FHIT: variants seen among roughly 807,000 people sequenced by gnomAD.
FHIT encodes fragile histidine triad diadenosine triphosphatase.
Under a neutral mutation model 17.9 loss-of-function variants are expected in FHIT, and 19 were observed. The ratio of observed to expected loss-of-function variants is 1.06; its 90% CI spans 0.74 to 1.56. The LOEUF (loss-of-function observed/expected upper bound fraction) is 1.56, where lower values mean the gene tolerates loss of function less well. Among genes scored for constraint, FHIT ranks in the 40% most tolerant of loss-of-function variants. FHIT has a pLI of 0.00. For synonymous variants in FHIT, 81 were observed against 69.7 expected (o/e 1.16, Z -0.81); for missense variants, 248 against 189.2 (o/e 1.31, Z -1.82).
At chr3:60,468,482 A>C (rs1161868270) in intron 5 of FHIT, among the ~76,000 whole-genome samples, 1 of 151,758 alleles carries the variant, frequency 6.6e-6, no homozygotes, top group Non-Finnish European at 1.5e-5. Context: ...TTTTGCTTTG[A>C]GTGTACTGTG....
intron 4 of FHIT, among the ~76,000 whole-genome samples, chr3:60,712,971 T>C (rs2041579779): frequency 6.6e-6 from 1 of 150,610 alleles, no homozygotes; most frequent in Non-Finnish European, 1.5e-5. Context: ...CAACAGAATA[T>C]ACATTCTTTT....
chr3:61,182,699 G>T (rs2038378807), intron 2 of FHIT, among the ~76,000 whole-genome samples: 1 of 152,130 alleles, frequency 6.6e-6, no homozygotes, highest in Non-Finnish European at 1.5e-5. Flanking sequence ...ACCACCAAAA[G>T]AGGTAGGCAG....
chr3:60,750,020 G>C (rs2042434835), intron 4 of FHIT, among the ~76,000 whole-genome samples: 1 of 152,176 alleles, frequency 6.6e-6, no homozygotes, highest in African/African-American at 2.4e-5. Context: ...AACCAAGGCT[G>C]AGAGTAATGT....
intron 5 of FHIT, among the ~76,000 whole-genome samples, chr3:60,093,233 A>G (rs2107105059): frequency 6.6e-6 from 1 of 152,256 alleles, no homozygotes; most frequent in South Asian, 2.1e-4. Context: ...CGCAGAGGTG[A>G]CTTCCTTTCC....
intron 4 of FHIT, among the ~76,000 whole-genome samples, chr3:60,613,376 G>A (rs1463188506): frequency 2.6e-5 from 4 of 152,184 alleles, no homozygotes; most frequent in African/African-American, 9.7e-5. Context: ...GTGTGGCAGT[G>A]CAGTGAGAGA....
chr3:60,181,543 T>C (rs1459346365), intron 5 of FHIT, among the ~76,000 whole-genome samples: 4 of 150,996 alleles, frequency 2.6e-5, no homozygotes, highest in Admixed American at 6.6e-5. Flanking sequence ...CTAGGATTCA[T>C]GGCCTGGTCT....
At chr3:59,881,861 T>C (rs1011942666) in intron 8 of FHIT, among the ~76,000 whole-genome samples, 7 of 152,204 alleles carry the variant, frequency 4.6e-5, no homozygotes, top group Admixed American at 1.3e-4. Context: ...CCTGTCCCCA[T>C]ATCATTTCTG....
intron 5 of FHIT, among the ~76,000 whole-genome samples, chr3:60,187,072 G>C (rs536194265): frequency 6.6e-6 from 1 of 152,214 alleles, no homozygotes; most frequent in Admixed American, 6.5e-5. Context: ...CCAAGACAAG[G>C]TCAAAGCAAC....
intron 9 of FHIT, 26 bp from the exon 10 acceptor site, chr3:59,749,605 G>C (rs900349695): frequency 4.3e-6 from 1 of 230,606 alleles, no homozygotes; most frequent in Non-Finnish European, 8.6e-6. Context: ...AACAAACAAA[G>C]GCCTTATGAT....
intron 5 of FHIT, among the ~76,000 whole-genome samples, chr3:60,135,508 G>A (rs989248117): frequency 6.6e-6 from 1 of 152,124 alleles, no homozygotes; most frequent in Non-Finnish European, 1.5e-5. Flanking sequence ...GCAACCTCTA[G>A]CCTCTCCAGG....
chr3:60,597,137 T>C (rs1223469305), intron 4 of FHIT, among the ~76,000 whole-genome samples: 1 of 152,082 alleles, frequency 6.6e-6, no homozygotes, highest in African/African-American at 2.4e-5. Context: ...GGAATAAATA[T>C]TAAGATAATG....
At chr3:60,503,946 T>C (rs934364066) in intron 5 of FHIT, among the ~76,000 whole-genome samples, 1 of 152,170 alleles carries the variant, frequency 6.6e-6, no homozygotes, top group Non-Finnish European at 1.5e-5. Context: ...AATAAATACA[T>C]GCAGTATTGA....
chr3:60,302,020 G>C (rs1232738301), intron 5 of FHIT, among the ~76,000 whole-genome samples: 1 of 151,998 alleles, frequency 6.6e-6, no homozygotes, highest in Non-Finnish European at 1.5e-5. Context: ...TATTTAAAGT[G>C]GTTATGATTC....
At chr3:60,998,726 A>G (rs1185141719) in intron 3 of FHIT, among the ~76,000 whole-genome samples, 1 of 152,090 alleles carries the variant, frequency 6.6e-6, no homozygotes, top group Non-Finnish European at 1.5e-5. Flanking sequence ...CTTTTAATGC[A>G]TTTACATTTT....
chr3:61,249,750 T>C (rs989120248), intron 1 of FHIT, among the ~76,000 whole-genome samples: 1 of 152,176 alleles, frequency 6.6e-6, no homozygotes, highest in African/African-American at 2.4e-5. Context: ...TGTGTAATCA[T>C]GGGCTATCTT....
intron 5 of FHIT, among the ~76,000 whole-genome samples, chr3:60,285,162 A>T (rs1204446925): frequency 6.6e-6 from 1 of 152,180 alleles, no homozygotes; most frequent in Non-Finnish European, 1.5e-5. Context: ...CATTAAAGAC[A>T]TATTAAATGT....
chr3:60,082,351 G>A lies in FHIT; in HGVS notation c.104-68199C>T, dbSNP rs534438531. On this transcript the variant is annotated intron_variant, in intron 5 of 9. Transcript: ENST00000492590. ...TAGTATTCCACTGTGTATGTGTACC[G>A]TATTTCCTTTATCTAATCCACCATT... Among the ~76,000 whole-genome samples the A allele has an allele frequency of 5.1e-4, 77 of 152,094 alleles. 1 individual carries two copies. Among genetic ancestry groups the A allele is most frequent in the East Asian group, 2.1e-3 (11 of 5,184 alleles).
intron 4 of FHIT, among the ~76,000 whole-genome samples, chr3:60,783,356 T>A (rs1553726123): frequency 6.6e-6 from 1 of 152,146 alleles, no homozygotes; most frequent in African/African-American, 2.4e-5. Context: ...AAGTTTAACA[T>A]AGCCCACAGT....
intron 5 of FHIT, among the ~76,000 whole-genome samples, chr3:60,185,641 T>C (rs1398395031): frequency 1.3e-5 from 2 of 152,224 alleles, no homozygotes; most frequent in Admixed American, 6.5e-5. Flanking sequence ...TACCTAGGTA[T>C]ATGACTGCTG....
Sources: allele counts gnomAD v4.1 joint callset (sites outside exome capture counted in the v4.1 genomes callset), GRCh38; gene constraint gnomAD v4.1.1; transcripts MANE v1.5; gene names NCBI Gene and HGNC (gene_info 2026-07-23, HGNC 2026-07-21).